Variants in JAZF1 observed in about 807,000 individuals in gnomAD.
JAZF1 encodes JAZF zinc finger 1.
JAZF1 carries 8 observed loss-of-function variants against 26.4 expected under a neutral mutation model. The ratio of observed to expected loss-of-function variants is 0.30; its 90% CI spans 0.18 to 0.55. JAZF1 has a LOEUF of 0.55. Among genes scored for constraint, JAZF1 ranks in the 20% least tolerant of loss-of-function variants. The pLI is 0.94. For missense variants in JAZF1, 199 were observed against 322.0 expected (o/e 0.62, Z 2.92); for synonymous variants, 126 against 122.3 (o/e 1.03, Z -0.20).
intron 1 of JAZF1, among the ~76,000 whole-genome samples, chr7:28,110,001 TA>T (rs1173748534): frequency 6.6e-6 from 1 of 152,210 alleles, no homozygotes; most frequent in Non-Finnish European, 1.5e-5. Flanking sequence ...CTACACTAGA[TA>T]TTTTTTTAAG....
intron 2 of JAZF1, among the ~76,000 whole-genome samples, chr7:27,951,374 G>T (rs1785006003): frequency 6.6e-6 from 1 of 152,068 alleles, no homozygotes; most frequent in African/African-American, 2.4e-5. Context: ...AATTGTATAG[G>T]TCTCTATTTA....
chr7:27,912,549 T>C lies in JAZF1; in HGVS notation c.189-17133A>G, dbSNP rs574824906. On this transcript the variant is annotated intron_variant, in intron 2 of 4. Transcript: ENST00000283928. ...TTTCACCCACCCCTATAAATGGAGGTGGGTGATGCAGAGAGGGAGGAAGGA... is the reference window on the plus strand; with the variant it reads ...TTTCACCCACCCCTATAAATGGAGGCGGGTGATGCAGAGAGGGAGGAAGGA... Among the ~76,000 whole-genome samples the C allele has an allele frequency of 7.2e-5, 11 of 151,794 alleles. No homozygotes were observed. The East Asian group carries it at 2.1e-3, about 29-fold the overall frequency.
chr7:27,944,818 C>T (rs1237895158), intron 2 of JAZF1, among the ~76,000 whole-genome samples: 2 of 151,916 alleles, frequency 1.3e-5, no homozygotes, highest in African/African-American at 4.8e-5. Flanking sequence ...CCCTAGGGAG[C>T]TTCATTTCTA....
chr7:28,022,616 T>C (rs1342953677), intron 1 of JAZF1, among the ~76,000 whole-genome samples: 1 of 152,248 alleles, frequency 6.6e-6, no homozygotes, highest in Non-Finnish European at 1.5e-5. Context: ...TATCCAAACA[T>C]AGTTCAGGCT....
chr7:28,160,778 A>C (rs1004918948), intron 1 of JAZF1, among the ~76,000 whole-genome samples: 4 of 152,354 alleles, frequency 2.6e-5, no homozygotes, highest in Admixed American at 2.0e-4. Flanking sequence ...TGATCATGAA[A>C]AGATTACAGG....
chr7:28,006,761 C>A (rs1363896592), intron 1 of JAZF1, among the ~76,000 whole-genome samples: 1 of 152,130 alleles, frequency 6.6e-6, no homozygotes, highest in East Asian at 1.9e-4. Flanking sequence ...TTGCTGCTTC[C>A]CCTGAGTAGA....
intron 3 of JAZF1, among the ~76,000 whole-genome samples, chr7:27,868,664 T>G (rs1169368386): frequency 4.6e-5 from 7 of 152,170 alleles, no homozygotes; most frequent in Non-Finnish European, 1.0e-4. Context: ...CTTATAAGCA[T>G]TAACTCTGGC....
At chr7:28,107,350 T>C (rs913136454) in intron 1 of JAZF1, among the ~76,000 whole-genome samples, 26 of 152,224 alleles carry the variant, frequency 1.7e-4, no homozygotes, top group Non-Finnish European at 3.7e-4. Flanking sequence ...GCAAGTCACC[T>C]GTGGAGAATA....
intron 1 of JAZF1, among the ~76,000 whole-genome samples, chr7:28,146,906 G>C (rs1166501416): frequency 1.3e-5 from 2 of 149,352 alleles, no homozygotes; most frequent in Non-Finnish European, 3.0e-5. Context: ...ACCCAGGCTA[G>C]AGTGCAATGG....
Position 27,921,647 on chromosome 7 carries a change from T to G in JAZF1, c.189-26231A>C, listed in dbSNP as rs141304411. Among the ~76,000 whole-genome samples the G allele has an allele frequency of 2.5e-3, 381 of 152,222 alleles. 2 individuals carry two copies. The highest frequency in any genetic ancestry group is 8.9e-3 in the African/African-American group (368 of 41,526). On this transcript the variant is annotated intron_variant, in intron 2 of 4. Transcript: ENST00000283928. ...GGGCCCCTGGTAACTTCATAATGGG[T>G]TGCAGTGTTAGGGATTATATCATCT...
rs771594840 is a variant in JAZF1, at chr7:28,180,621, C to G, written c.-44G>C. 10 of 1,100,142 alleles carry G rather than the reference C, an allele frequency of 9.1e-6. No homozygotes were observed. The highest frequency in any genetic ancestry group is 1.2e-5 in the Non-Finnish European group (10 of 802,308). 68.1% of individuals were successfully genotyped at this position (1,100,142 alleles called of 1,614,324 possible). A position where few individuals can be genotyped will look rare whatever the true frequency, so the allele number is the denominator to read the frequency against. The stretch of plus-strand genomic sequence containing the variant: ...CCCCTGGTGTCGGCTCTGCGAGCGC[C>G]GGGCGGGCGAGGGAGGGAGGGAGGC... On this transcript the variant is annotated 5_prime_UTR_variant, in exon 1 of 5. Transcript: ENST00000283928.
intron 1 of JAZF1, among the ~76,000 whole-genome samples, chr7:28,007,491 C>T (rs962192243): frequency 1.3e-5 from 2 of 152,084 alleles, no homozygotes; most frequent in African/African-American, 4.8e-5. Context: ...ATCACTGGAA[C>T]CCGGGAGGCG....
chr7:28,138,135 C>G (rs1354362290), intron 1 of JAZF1, among the ~76,000 whole-genome samples: 1 of 152,132 alleles, frequency 6.6e-6, no homozygotes, highest in African/African-American at 2.4e-5. Flanking sequence ...ATGAAACAAG[C>G]AGGTATAAAC....
chr7:28,170,170 T>A (rs1183229652), intron 1 of JAZF1, among the ~76,000 whole-genome samples: 1 of 151,948 alleles, frequency 6.6e-6, no homozygotes, highest in African/African-American at 2.4e-5. Context: ...GTGCATGCAA[T>A]CCCAGCTACC....
At chr7:28,000,041 G>C (rs17156121) in intron 1 of JAZF1, among the ~76,000 whole-genome samples, 15,688 of 152,164 alleles carry the variant, frequency 0.1, 2,779 homozygotes, top group African/African-American at 0.36. Context: ...TGAGCGTAGC[G>C]AATCATTCAC....
intron 1 of JAZF1, among the ~76,000 whole-genome samples, chr7:28,143,792 T>C (rs1782990165): frequency 6.6e-6 from 1 of 152,234 alleles, no homozygotes; most frequent in Admixed American, 6.5e-5. Flanking sequence ...CTTTTACGGA[T>C]AATATCATTT....
intron 1 of JAZF1, among the ~76,000 whole-genome samples, chr7:28,159,465 G>A (rs2127951163): frequency 6.6e-6 from 1 of 152,124 alleles, no homozygotes; most frequent in East Asian, 1.9e-4. Context: ...CAGGAGCAGA[G>A]AGGAAGGCGG....
At chr7:28,052,994 C>T (rs1783640691) in intron 1 of JAZF1, among the ~76,000 whole-genome samples, 1 of 152,158 alleles carries the variant, frequency 6.6e-6, no homozygotes, top group Non-Finnish European at 1.5e-5. Context: ...ATTTCCTCCC[C>T]CAGCCTTTGA....
intron 2 of JAZF1, among the ~76,000 whole-genome samples, chr7:27,945,836 C>T (rs1389386734): frequency 6.6e-6 from 1 of 152,224 alleles, no homozygotes; most frequent in Admixed American, 6.5e-5. Context: ...ACAACCATGG[C>T]TGCCTTCTAA....
Sources: allele counts gnomAD v4.1 joint callset (sites outside exome capture counted in the v4.1 genomes callset), GRCh38; gene constraint gnomAD v4.1.1; transcripts MANE v1.5; gene names NCBI Gene and HGNC (gene_info 2026-07-23, HGNC 2026-07-21).